UGT2B7: variants seen among roughly 807,000 people sequenced by gnomAD.
UGT2B7 encodes UDP-glucuronosyltransferase 2B7.
UGT2B7 carries 51 observed loss-of-function variants against 51.9 expected under a neutral mutation model. That is an observed-to-expected ratio of 0.98 (90% CI 0.78 to 1.24). The LOEUF is 1.24. Ranked by LOEUF, UGT2B7 falls within the 50% of genes most tolerant of loss-of-function variation. UGT2B7 has a pLI of 0.00. For synonymous variants in UGT2B7, 225 were observed against 211.6 expected (o/e 1.06, Z -0.55); for missense variants, 727 against 628.4 (o/e 1.16, Z -1.68).
At chr4:69,100,937 T>C (rs1719400574) in intron 2 of UGT2B7, among the ~76,000 whole-genome samples, 1 of 152,148 alleles carries the variant, frequency 6.6e-6, no homozygotes, top group Non-Finnish European at 1.5e-5. Context: ...AGTTTTATAA[T>C]ATGTTCACGT....
intron 5 of UGT2B7, among the ~76,000 whole-genome samples, chr4:69,111,165 A>G (rs1719760605): frequency 1.3e-5 from 2 of 152,262 alleles, no homozygotes; most frequent in African/African-American, 2.4e-5. Context: ...AGCTTAAAGT[A>G]AAATAGAAGG....
chr4:69,085,963 GTT>G (rs1387372886), intron 1 of UGT2B7, among the ~76,000 whole-genome samples: 1 of 151,224 alleles, frequency 6.6e-6, no homozygotes, highest in Non-Finnish European at 1.5e-5. Context: ...TCAATAAACC[GTT>G]TTGTCTTGTT....
chr4:69,110,552 T>G (rs1719743520), intron 5 of UGT2B7, among the ~76,000 whole-genome samples: 1 of 152,100 alleles, frequency 6.6e-6, no homozygotes, highest in South Asian at 2.1e-4. Flanking sequence ...AATGAAGACA[T>G]AATCTGTGCT....
intron 1 of UGT2B7, among the ~76,000 whole-genome samples, chr4:69,086,908 T>G (rs1454373309): frequency 1.3e-5 from 2 of 152,010 alleles, no homozygotes; most frequent in Non-Finnish European, 2.9e-5. Flanking sequence ...TTTTAATTAT[T>G]TATCCATTCA....
At chr4:69,065,914 TTTTAA>T (rs1442360919) in intron 1 of UGT2B7, among the ~76,000 whole-genome samples, 3 of 152,158 alleles carry the variant, frequency 2.0e-5, no homozygotes, top group Non-Finnish European at 4.4e-5. Context: ...ATATTTGAAC[TTTTAA>T]TTTATTATCA....
At chr4:69,081,118 A>C (rs925593246) in intron 1 of UGT2B7, among the ~76,000 whole-genome samples, 3 of 152,306 alleles carry the variant, frequency 2.0e-5, no homozygotes, top group Non-Finnish European at 2.9e-5. Context: ...AACAAATTGC[A>C]GAAAGATTGT....
chr4:69,055,575 C>T (rs1229312053), intron 1 of UGT2B7, among the ~76,000 whole-genome samples: 1 of 152,144 alleles, frequency 6.6e-6, no homozygotes, highest in Non-Finnish European at 1.5e-5. Flanking sequence ...ACTAAATGTG[C>T]CAGTACCCGA....
At chr4:69,052,613 G>A (rs538889186) in intron 1 of UGT2B7, among the ~76,000 whole-genome samples, 12 of 143,230 alleles carry the variant, frequency 8.4e-5, no homozygotes, top group South Asian at 4.5e-4. Flanking sequence ...CAAAATTTAC[G>A]TAAAAAGAGT....
At chr4:69,076,705 T>TA (rs1185064432) in intron 1 of UGT2B7, among the ~76,000 whole-genome samples, 2 of 152,222 alleles carry the variant, frequency 1.3e-5, no homozygotes, top group South Asian at 2.1e-4. Flanking sequence ...ATGGACAGAT[T>TA]AAAAAAATTT....
At chr4:69,093,547 CT>C (rs1719137429), upstream of UGT2B7, among the ~76,000 whole-genome samples, 1 of 152,218 alleles carries the variant, frequency 6.6e-6, no homozygotes, top group South Asian at 2.1e-4. Flanking sequence ...GCTACAGCTA[CT>C]TTTGCCAGGA....
chr4:69,052,380 C>T (rs1025446345), intron 1 of UGT2B7, among the ~76,000 whole-genome samples: 6 of 151,882 alleles, frequency 4.0e-5, no homozygotes, highest in Non-Finnish European at 5.9e-5. Context: ...TTAATTTAGA[C>T]TAAACAAGGT....
At chr4:69,060,406 G>A (rs1236865272) in intron 1 of UGT2B7, among the ~76,000 whole-genome samples, 1 of 152,186 alleles carries the variant, frequency 6.6e-6, no homozygotes, top group Non-Finnish European at 1.5e-5. Flanking sequence ...TCTCGCTCAT[G>A]GCTAAGCCAT....
At position 69,109,591 on chromosome 4, in the gene UGT2B7, T is replaced by C. The variant is rs139096930; in HGVS notation, c.1310+1269T>C. ...TTTTTAAACTTTGCTATTTGTCTTA[T>C]TATTAAGTTTAAGAACTATTTATAT... On this transcript the variant is annotated intron_variant, in intron 5 of 5. Transcript: ENST00000305231. Among the ~76,000 whole-genome samples, 37 of 152,284 alleles carry C rather than the reference T, an allele frequency of 2.4e-4. No homozygotes were observed. The East Asian group carries it at 7.1e-3, about 29-fold the overall frequency.
At chr4:69,058,240 C>T (rs1433093799) in intron 1 of UGT2B7, among the ~76,000 whole-genome samples, 1 of 152,150 alleles carries the variant, frequency 6.6e-6, no homozygotes, top group African/African-American at 2.4e-5. Context: ...CCTCCATATG[C>T]TCCAATCTAC....
At chr4:69,091,947 T>G (rs1719094514), upstream of UGT2B7, among the ~76,000 whole-genome samples, 1 of 152,140 alleles carries the variant, frequency 6.6e-6, no homozygotes, top group Non-Finnish European at 1.5e-5. Flanking sequence ...ATTATTTTCT[T>G]TTATTTTCTA....
intron 1 of UGT2B7, chr4:69,066,464 C>T (rs1718486067): frequency 6.6e-6 from 1 of 151,802 alleles, no homozygotes; most frequent in African/African-American, 2.4e-5. Flanking sequence ...AGTGGGTAGT[C>T]CAGAATGACC....
At chr4:69,098,462 T>A in intron 1 of UGT2B7, 78 bp from the exon 2 acceptor site, 1 of 1,528,564 alleles carries the variant, frequency 6.5e-7, no homozygotes. Context: ...TTTGCCTACA[T>A]TATTCTAACC....
intron 5 of UGT2B7, among the ~76,000 whole-genome samples, chr4:69,110,989 G>T (rs1719755434): frequency 1.3e-5 from 2 of 152,148 alleles, no homozygotes; most frequent in African/African-American, 4.8e-5. Context: ...AATCCTAGTG[G>T]TTCCATCATA....
rs1271498682 is a variant in UGT2B7, at chr4:69,104,477, TA to T, written c.1002+1547del. The stretch of plus-strand genomic sequence containing the variant: ...AATAAACTTTATGGATATGACAAAT[TA>T]AAAAAAAGAAACTTCCTGCCTAAAA... On this transcript the variant is annotated intron_variant, in intron 3 of 5. Transcript: ENST00000305231. 2.0e-5 allele frequency among the ~76,000 whole-genome samples: 3 copies of T among 151,818 alleles called. No individual in the cohort carries two copies. In the East Asian group the frequency reaches 5.8e-4, roughly 29 times the overall value.
Sources: allele counts gnomAD v4.1 joint callset (sites outside exome capture counted in the v4.1 genomes callset), GRCh38; gene constraint gnomAD v4.1.1; transcripts MANE v1.5; gene names NCBI Gene and HGNC (gene_info 2026-07-23, HGNC 2026-07-21).